Variants in FAXC observed in about 807,000 individuals in gnomAD.
FAXC encodes the protein failed axon connections homolog, metaxin like GST domain containing, also known as failed axon connections homolog.
A neutral mutation model predicts 41.9 loss-of-function variants in FAXC; 10 were observed. That is an observed-to-expected ratio of 0.24 (90% confidence interval 0.15 to 0.41). The LOEUF (loss-of-function observed/expected upper bound fraction) is 0.41. FAXC is among the 10% of genes least tolerant of loss of function. The pLI is 1.00. For missense variants in FAXC, 399 were observed against 510.9 expected, an observed-to-expected ratio of 0.78 and a Z score of 2.11; for synonymous variants, 183 against 183.8, an observed-to-expected ratio of 1.00 and a Z score of 0.03.
Position 99,272,787 on chromosome 6 carries a change from G to C in FAXC, c.*8377C>G, listed in dbSNP as rs1246790219. ...GCCTTACAACTAAAATACTCTCCCAGTCATCTAAGAGACCACCACTTAACA... is the reference window on the plus strand; with the variant it reads ...GCCTTACAACTAAAATACTCTCCCACTCATCTAAGAGACCACCACTTAACA... On this transcript the variant is annotated 3_prime_UTR_variant, in exon 6 of 6. Transcript: ENST00000389677. The C allele has an allele frequency of 2.0e-5, 3 of 152,132 alleles. No homozygotes were observed. The highest frequency in any genetic ancestry group is 4.4e-5 in the Non-Finnish European group (3 of 68,032). 9.4% of individuals were successfully genotyped at this position (152,132 alleles called of 1,614,324 possible). A position where few individuals can be genotyped will look rare whatever the true frequency, so the allele number is the denominator to read the frequency against.
intron 2 of FAXC, among the ~76,000 whole-genome samples, chr6:99,337,642 T>A (rs1773261461): frequency 6.6e-6 from 1 of 152,182 alleles, no homozygotes; most frequent in African/African-American, 2.4e-5. Context: ...TTTTAAAAAA[T>A]TAACCACATC....
At chr6:99,316,909 A>T (rs145744596) in intron 4 of FAXC, among the ~76,000 whole-genome samples, 216 of 152,344 alleles carry the variant, frequency 1.4e-3, no homozygotes, top group South Asian at 3.7e-3. Context: ...AGGTGACATG[A>T]AGCAGCAAAT....
At chr6:99,289,689 A>ATGTG (rs58098982) in intron 5 of FAXC, among the ~76,000 whole-genome samples, 73 of 146,694 alleles carry the variant, frequency 5.0e-4, no homozygotes, top group African/African-American at 1.7e-3. Context: ...ACATATGTAT[A>ATGTG]TGTGTGTGTG....
chr6:99,277,860 T>C lies in FAXC; in HGVS notation c.*3304A>G, dbSNP rs138513818. The stretch of plus-strand genomic sequence containing the variant: ...TTTGGTCCTGCCCTTCAAATAAGTA[T>C]GTATGTGACACTGAGCCAATAAGGT... On this transcript the variant is annotated 3_prime_UTR_variant, in exon 6 of 6. Transcript: ENST00000389677. The C allele has an allele frequency of 6.6e-6, 1 of 152,194 alleles. No individual in the cohort carries two copies. The highest frequency in any genetic ancestry group is 6.5e-5 in the Admixed American group (1 of 15,272). The allele number at this position is 152,194 out of a possible 1,614,324, so 9.4% of individuals were successfully genotyped here.
In FAXC at chr6:99,349,526, G is replaced by C; in HGVS notation, c.-154C>G. ...AGGCGGCGGCGACTGAGGAGGCGGC[G>C]GCAGAGGAGGAGGAGGAGGAAGGGC... On this transcript the variant is annotated 5_prime_UTR_variant, in exon 1 of 6. Coordinates refer to ENST00000389677, the MANE Select transcript of FAXC (RefSeq NM_032511.4). The C allele has an allele frequency of 1.3e-5, 5 of 372,096 alleles. No individual in the cohort carries two copies. The highest frequency in any genetic ancestry group is 1.8e-5 in the Non-Finnish European group (5 of 278,356). 23.0% of individuals were successfully genotyped at this position (372,096 alleles called of 1,614,324 possible).
Position 99,278,699 on chromosome 6 carries a change from T to C in FAXC, c.*2465A>G, listed in dbSNP as rs2128445277. On this transcript the variant is annotated 3_prime_UTR_variant, in exon 6 of 6. Coordinates refer to ENST00000389677, the MANE Select transcript of FAXC (RefSeq NM_032511.4). ...GCATATTCTAGGGCTCTAAATCAAATTAACACCTACAAAATGTTGATGCCC... is the reference window on the plus strand; with the variant it reads ...GCATATTCTAGGGCTCTAAATCAAACTAACACCTACAAAATGTTGATGCCC... 6.6e-6 allele frequency: 1 copy of C among 152,302 alleles called. No homozygotes were observed. Among genetic ancestry groups the C allele is most frequent in the Non-Finnish European group, 1.5e-5 (1 of 68,022 alleles). The allele number at this position is 152,302 out of a possible 1,614,324, so 9.4% of individuals were successfully genotyped here.
intron 4 of FAXC, among the ~76,000 whole-genome samples, chr6:99,319,934 T>G (rs1772530826): frequency 6.6e-6 from 1 of 152,244 alleles, no homozygotes; most frequent in Admixed American, 6.5e-5. Context: ...TTATATCAGC[T>G]ACATAATCTC....
chr6:99,325,106 T>TG (rs1772745819), intron 3 of FAXC, among the ~76,000 whole-genome samples: 1 of 150,304 alleles, frequency 6.7e-6, no homozygotes, highest in Admixed American at 6.6e-5. Flanking sequence ...TAAGGTTTGT[T>TG]TTTTTTTTTA....
chr6:99,291,632 C>A, intron 5 of FAXC, 72 bp downstream of exon 5: 2 of 1,047,456 alleles, frequency 1.9e-6, no homozygotes, highest in Admixed American at 3.4e-5. Flanking sequence ...GTCTAGAATT[C>A]TCCACTGTGC....
chr6:99,316,509 C>T (rs1179240411), intron 4 of FAXC, among the ~76,000 whole-genome samples: 2 of 152,190 alleles, frequency 1.3e-5, no homozygotes, highest in Non-Finnish European at 2.9e-5. Context: ...CCTGCCTTTC[C>T]AAGGTTTTTG....
At chr6:99,345,827 T>A (rs1452125828) in intron 1 of FAXC, among the ~76,000 whole-genome samples, 3 of 152,232 alleles carry the variant, frequency 2.0e-5, no homozygotes, top group African/African-American at 7.2e-5. Flanking sequence ...CCTGATTGAA[T>A]TTAAGATAGC....
Position 99,281,222 on chromosome 6 carries a change from G to C in FAXC, c.1172C>G (p.Ser391Ter). Residue 391 changes from serine to a stop codon, truncating the protein, a stop_gained, in exon 6 of 6, where the codon TCA becomes TGA. Transcript: ENST00000389677. LOFTEE classifies it high-confidence loss of function. ...RTPDTDFTGH[S>*]LFDSDVDMDD... ...CATGTCCACATCCGAATCAAAGAGT[G>C]AGTGTCCAGTAAAATCTGTGTCTGG... 6.2e-7 allele frequency: 1 copy of C among 1,602,162 alleles called. No individual in the cohort carries two copies. Among genetic ancestry groups the C allele is most frequent in the East Asian group, 2.2e-5 (1 of 44,806 alleles).
chr6:99,319,103 A>G (rs926424959), intron 4 of FAXC, among the ~76,000 whole-genome samples: 4 of 152,202 alleles, frequency 2.6e-5, no homozygotes, highest in Non-Finnish European at 5.9e-5. Context: ...CATGAGGATT[A>G]AAAAGCAAAC....
chr6:99,284,988 C>T (rs566100677), intron 5 of FAXC, among the ~76,000 whole-genome samples: 9 of 148,822 alleles, frequency 6.0e-5, no homozygotes, highest in Admixed American at 4.0e-4. Context: ...TCAAAGTGTA[C>T]TCAACAATCG....
At chr6:99,288,452 G>A (rs541833669) in intron 5 of FAXC, among the ~76,000 whole-genome samples, 1 of 152,170 alleles carries the variant, frequency 6.6e-6, no homozygotes, top group East Asian at 1.9e-4. Context: ...GGAAATAATA[G>A]GAACAGAGAA....
chr6:99,292,958 C>G (rs1771302549), intron 4 of FAXC, among the ~76,000 whole-genome samples: 1 of 152,142 alleles, frequency 6.6e-6, no homozygotes, highest in Non-Finnish European at 1.5e-5. Flanking sequence ...AGGCAGCCAC[C>G]ACCACGCCTG....
intron 4 of FAXC, among the ~76,000 whole-genome samples, chr6:99,310,530 C>A (rs967845334): frequency 1.4e-4 from 22 of 152,244 alleles, no homozygotes; most frequent in Non-Finnish European, 3.2e-4. Flanking sequence ...GCAGTCAGGG[C>A]TGAAAGCCAC....
At chr6:99,336,226 A>G (rs1773212306) in intron 2 of FAXC, among the ~76,000 whole-genome samples, 1 of 151,928 alleles carries the variant, frequency 6.6e-6, no homozygotes, top group Non-Finnish European at 1.5e-5. Flanking sequence ...CAAAAAAAGT[A>G]TGTTAAAAAT....
chr6:99,299,358 C>A (rs1771617110), intron 4 of FAXC, among the ~76,000 whole-genome samples: 1 of 152,094 alleles, frequency 6.6e-6, no homozygotes, highest in South Asian at 2.1e-4. Context: ...ACTGGCTGTG[C>A]TATAAAATAT....
Sources: gnomAD v4.1 joint callset for allele counts (sites outside exome capture counted in the v4.1 genomes callset) on GRCh38, gnomAD v4.1.1 for gene constraint, MANE v1.5 for transcripts, NCBI Gene and HGNC (gene_info 2026-07-23, HGNC 2026-07-21) for gene names.